FUNDC2: variants seen among roughly 807,000 people sequenced by gnomAD.
FUNDC2 encodes the protein FUN14 domain-containing protein 2.
FUNDC2 carries 4 observed loss-of-function variants against 15.6 expected under a neutral mutation model. The ratio of observed to expected loss-of-function variants is 0.26; its 90% CI spans 0.13 to 0.59. The LOEUF is 0.59. Ranked by LOEUF, FUNDC2 falls within the 20% of genes least tolerant of loss-of-function variation. The pLI is 0.90. For synonymous variants in FUNDC2, 44 were observed against 56.9 expected (o/e 0.77, Z 1.02); for missense variants, 98 against 149.7 (o/e 0.65, Z 1.80).
chrX:155,056,753 C>T lies in FUNDC2; in HGVS notation c.*2081C>T, dbSNP rs1306644824. ...AAGCTAACCAAAGTGCTCTGTGCCCCTTTGGGTTGCATGTGGGGAGACTGG... is the reference window on the plus strand; with the variant it reads ...AAGCTAACCAAAGTGCTCTGTGCCCTTTTGGGTTGCATGTGGGGAGACTGG... On this transcript the variant is annotated 3_prime_UTR_variant, in exon 5 of 5. Coordinates refer to ENST00000369498, the MANE Select transcript of FUNDC2 (RefSeq NM_023934.4). The T allele has an allele frequency of 3.7e-5, 4 of 109,395 alleles. No homozygotes were observed. The highest frequency in any genetic ancestry group is 7.8e-5 in the Non-Finnish European group (4 of 51,568). The allele number at this position is 109,395 out of a possible 1,213,427, so 9.0% of individuals were successfully genotyped here. A position where few individuals can be genotyped will look rare whatever the true frequency, so the allele number is the denominator to read the frequency against.
Position 155,026,982 on chromosome X carries a change from C to T in FUNDC2, c.44C>T (p.Thr15Ile). ...APRAGSQVVA[T>I]TARHSAAYRA... is the part of the protein sequence containing the mutation. ...CGTGCCGGAAGCCAAGTGGTGGCGACAACTGCGCGCCACTCCGCGGCCTAC... is the reference window on the plus strand; with the variant it reads ...CGTGCCGGAAGCCAAGTGGTGGCGATAACTGCGCGCCACTCCGCGGCCTAC... Residue 15 changes from threonine to isoleucine, a missense_variant, in exon 1 of 5, where the codon ACA (threonine) becomes ATA (isoleucine). Physicochemically the swap from Thr to Ile is moderately conservative, Grantham distance 89 (BLOSUM62 -1). Coordinates refer to ENST00000369498, the MANE Select transcript of FUNDC2 (RefSeq NM_023934.4). The T allele has an allele frequency of 8.3e-7, 1 of 1,201,068 alleles. No homozygotes were observed. Among genetic ancestry groups the T allele is most frequent in the Non-Finnish European group, 1.1e-6 (1 of 891,502 alleles).
chrX:155,055,640 ACGGG>A lies in FUNDC2; in HGVS notation c.*970_*973del, dbSNP rs2073892315. ...TAAAAGCTTACACACACACACACAC[ACGGG>A]CACACACGCACACACAGAATCTTAC... On this transcript the variant is annotated 3_prime_UTR_variant, in exon 5 of 5. Coordinates refer to ENST00000369498, the MANE Select transcript of FUNDC2 (RefSeq NM_023934.4). The A allele has an allele frequency of 5.9e-6, 1 of 169,737 alleles. No homozygotes were observed. Among genetic ancestry groups the A allele is most frequent in the Non-Finnish European group, 1.1e-5 (1 of 90,249 alleles). 14.0% of individuals were successfully genotyped at this position (169,737 alleles called of 1,213,427 possible). A position where few individuals can be genotyped will look rare whatever the true frequency, so the allele number is the denominator to read the frequency against.
intron 2 of FUNDC2, among the ~76,000 whole-genome samples, chrX:155,034,305 TCTTG>T (rs1557288986): frequency 8.9e-6 from 1 of 112,700 alleles, no homozygotes. Flanking sequence ...TTCTTTTGAG[TCTTG>T]CTTTTTTCGC....
intron 3 of FUNDC2, among the ~76,000 whole-genome samples, chrX:155,048,883 C>T (rs1557290258): frequency 8.9e-6 from 1 of 112,444 alleles, no homozygotes; most frequent in Non-Finnish European, 1.9e-5. Flanking sequence ...TAAAACTACA[C>T]ATTCTGATTC....
Position 155,055,912 on chromosome X carries a change from C to T in FUNDC2, c.*1240C>T, listed in dbSNP as rs1399529719. On this transcript the variant is annotated 3_prime_UTR_variant, in exon 5 of 5. Coordinates refer to ENST00000369498, the MANE Select transcript of FUNDC2 (RefSeq NM_023934.4). ...ATATGAGTGTGTTTCTAAGGCCATA[C>T]ATTTAAAAATGTTTGCATTTTAACC... 1 of 112,105 alleles carries T rather than the reference C, an allele frequency of 8.9e-6. No individual in the cohort carries two copies. Among genetic ancestry groups the T allele is most frequent in the Non-Finnish European group, 1.9e-5 (1 of 53,233 alleles). 9.2% of individuals were successfully genotyped at this position (112,105 alleles called of 1,213,427 possible).
intron 4 of FUNDC2, among the ~76,000 whole-genome samples, chrX:155,053,516 A>T (rs1306755319): frequency 9.0e-6 from 1 of 111,643 alleles, no homozygotes; most frequent in Non-Finnish European, 1.9e-5. Flanking sequence ...AAGTTGTATG[A>T]TTTTTTTTCT....
intron 4 of FUNDC2, chrX:155,054,316 C>G: frequency 1.3e-6 from 1 of 753,692 alleles, no homozygotes; most frequent in Non-Finnish European, 1.6e-6. Context: ...ATTCAAAGAG[C>G]CATTGTCTCT....
intron 2 of FUNDC2, among the ~76,000 whole-genome samples, chrX:155,042,020 G>T (rs1245106794): frequency 1.1e-5 from 1 of 91,139 alleles, no homozygotes; most frequent in African/African-American, 4.2e-5. Context: ...AGTGAGCCAA[G>T]ATTGTGCCAC....
chrX:155,046,522 A>G lies in FUNDC2; in HGVS notation c.298A>G (p.Ile100Val), dbSNP rs200194459. 5.8e-6 allele frequency: 7 copies of G among 1,209,248 alleles called. No homozygotes were observed. Among genetic ancestry groups the G allele is most frequent in the Non-Finnish European group, 7.8e-6 (7 of 894,497 alleles). ...GGVTGWCTGFIFQKVGKLAAT... is the reference protein window; with the variant it reads ...GGVTGWCTGFVFQKVGKLAAT... ...TTGTTTTTGTAGGTGCACAGGTTTC[A>G]TATTCCAGAAGGTTGGAAAGTTGGC... Residue 100 changes from isoleucine to valine, a missense_variant, in exon 3 of 5, where the codon ATA becomes GTA. Transcript: ENST00000369498.
chrX:155,057,051 G>GTCC lies in FUNDC2; in HGVS notation c.*2379_*2380insTCC. 1 of 97,371 alleles carries GTCC rather than the reference G, an allele frequency of 1.0e-5. No homozygotes were observed. The highest frequency in any genetic ancestry group is 2.2e-5 in the Non-Finnish European group (1 of 45,228). The allele number at this position is 97,371 out of a possible 1,213,427, so 8.0% of individuals were successfully genotyped here. On this transcript the variant is annotated 3_prime_UTR_variant, in exon 5 of 5. Coordinates refer to ENST00000369498, the MANE Select transcript of FUNDC2 (RefSeq NM_023934.4). Reference sequence around the variant, plus strand: ...CAGGTTGGCCTCATCCTGCTAGTATGAGAACGGCTGTGAGTTCTGCCCACG... The same window carrying GTCC: ...CAGGTTGGCCTCATCCTGCTAGTATGTCCAGAACGGCTGTGAGTTCTGCCCACG...
intron 2 of FUNDC2, among the ~76,000 whole-genome samples, chrX:155,038,458 T>G (rs1207247615): frequency 9.0e-6 from 1 of 111,689 alleles, no homozygotes; most frequent in Non-Finnish European, 1.9e-5. Context: ...ACAGTAGATA[T>G]CCTAAACTTC....
At position 155,057,791 on chromosome X, in the gene FUNDC2, G is replaced by C. The variant is rs782558516; in HGVS notation, c.*3119G>C. 9.0e-6 allele frequency: 1 copy of C among 111,364 alleles called. No homozygotes were observed. The highest frequency in any genetic ancestry group is 1.9e-5 in the Non-Finnish European group (1 of 53,012). 9.2% of individuals were successfully genotyped at this position (111,364 alleles called of 1,213,427 possible). On this transcript the variant is annotated 3_prime_UTR_variant, in exon 5 of 5. Transcript: ENST00000369498. ...TGGGGACTTGGAGCATGCTACAGGA[G>C]AGGTAGAACTTTTGAGTCTCTTCTT...
intron 3 of FUNDC2, among the ~76,000 whole-genome samples, chrX:155,048,548 A>G (rs144950767): frequency 1.6e-3 from 178 of 112,101 alleles, no homozygotes; most frequent in African/African-American, 5.5e-3. Flanking sequence ...TGGTAATGCA[A>G]ATTCCTCCAC....
At chrX:155,051,518 A>G (rs2073879539) in intron 3 of FUNDC2, 152 bp from the exon 4 acceptor site, 1 of 529,016 alleles carries the variant, frequency 1.9e-6, no homozygotes, top group Non-Finnish European at 3.1e-6. Flanking sequence ...GATGCTGAGT[A>G]GATGTCATCA....
At chrX:155,028,525 A>G (rs1284625986) in intron 1 of FUNDC2, among the ~76,000 whole-genome samples, 1 of 112,212 alleles carries the variant, frequency 8.9e-6, no homozygotes, top group Non-Finnish European at 1.9e-5. Flanking sequence ...TGGAGTACCC[A>G]GGTACTCAGA....
intron 2 of FUNDC2, among the ~76,000 whole-genome samples, chrX:155,035,930 T>G (rs1478479143): frequency 2.7e-5 from 3 of 111,071 alleles, no homozygotes; most frequent in African/African-American, 9.8e-5. Flanking sequence ...GACATTTGAG[T>G]TTTTTTTTCA....
intron 2 of FUNDC2, among the ~76,000 whole-genome samples, chrX:155,044,195 C>T (rs2124193656): frequency 8.9e-6 from 1 of 111,790 alleles, no homozygotes; most frequent in African/African-American, 3.3e-5. Context: ...GTTTGTCGAC[C>T]CCTGTTTTAG....
chrX:155,033,693 A>G, intron 2 of FUNDC2, 140 bp downstream of exon 2: 1 of 504,845 alleles, frequency 2.0e-6, no homozygotes, highest in Non-Finnish European at 3.4e-6. Flanking sequence ...GTATCTAAAC[A>G]TCATCTTAAA....
At chrX:155,028,763 C>G (rs912418049) in intron 1 of FUNDC2, among the ~76,000 whole-genome samples, 1 of 110,677 alleles carries the variant, frequency 9.0e-6, no homozygotes, top group Non-Finnish European at 1.9e-5. Context: ...ATTCTGGATT[C>G]TCTTCCATTG....
Sources: allele counts gnomAD v4.1 joint callset (sites outside exome capture counted in the v4.1 genomes callset), GRCh38; gene constraint gnomAD v4.1.1; transcripts MANE v1.5; gene names NCBI Gene and HGNC (gene_info 2026-07-23, HGNC 2026-07-21).